The following C11orf54 variants were observed in gnomAD, a reference collection of about 807,000 sequenced individuals.
C11orf54 encodes beta-keto L-gulonate decarboxylase.
C11orf54 carries 29 observed loss-of-function variants against 35.5 expected under a neutral mutation model. The ratio of observed to expected loss-of-function variants is 0.82; its 90% CI spans 0.61 to 1.11. The LOEUF (loss-of-function observed/expected upper bound fraction) is 1.11. Ranked by LOEUF, C11orf54 falls within the 50% of genes most tolerant of loss-of-function variation. The pLI, the probability that C11orf54 is intolerant of heterozygous loss-of-function variation, is 0.00. For synonymous variants in C11orf54, 108 were observed against 121.1 expected, an observed-to-expected ratio of 0.89 and a Z score of 0.71; for missense variants, 373 against 369.2, an observed-to-expected ratio of 1.01 and a Z score of -0.08.
chr11:93,755,910 A>G (rs1943117800), intron 6 of C11orf54, among the ~76,000 whole-genome samples: 1 of 151,850 alleles, frequency 6.6e-6, no homozygotes, highest in African/African-American at 2.4e-5. Context: ...TCACGCCTGT[A>G]TTCCCAAGCA....
intron 1 of C11orf54, among the ~76,000 whole-genome samples, chr11:93,744,826 G>A (rs549576997): frequency 1.3e-5 from 2 of 152,322 alleles, no homozygotes; most frequent in East Asian, 1.9e-4. Context: ...CTCAGTATGC[G>A]AGGACCTGCA....
chr11:93,744,952 G>A (rs1363441601), intron 1 of C11orf54, among the ~76,000 whole-genome samples: 1 of 151,640 alleles, frequency 6.6e-6, no homozygotes, highest in African/African-American at 2.4e-5. Flanking sequence ...AGGAAAACAT[G>A]TGAGTAAAGA....
intron 3 of C11orf54, among the ~76,000 whole-genome samples, chr11:93,751,399 G>GTTTTTTTT (rs71064778): frequency 1.3e-5 from 1 of 74,708 alleles, no homozygotes; most frequent in African/African-American, 5.3e-5. Flanking sequence ...CTTTTTTATA[G>GTTTTTTTT]TTTTTTTTTT....
chr11:93,764,341 C>G lies in C11orf54; in HGVS notation c.*2653C>G, dbSNP rs762767445. On this transcript the variant is annotated 3_prime_UTR_variant, in exon 9 of 9. Transcript: ENST00000354421. ...ACTACAGATACCAACACTGCCTTTA[C>G]TCTTCCATTAGTGTCCTCCAAAATG... 1 of 152,296 alleles carries G rather than the reference C, an allele frequency of 6.6e-6. No individual in the cohort carries two copies. The allele number at this position is 152,296 out of a possible 1,614,324, so 9.4% of individuals were successfully genotyped here. A position where few individuals can be genotyped will look rare whatever the true frequency, so the allele number is the denominator to read the frequency against.
At chr11:93,759,700 A>G in intron 7 of C11orf54, 42 bp from the exon 8 acceptor site, 1 of 976,288 alleles carries the variant, frequency 1.0e-6, no homozygotes, top group Non-Finnish European at 1.5e-6. Flanking sequence ...AATTCTTAGT[A>G]ATATTCAGTA....
rs997735937 is a variant in C11orf54 at position 93,741,725 on chromosome 11, T to G, written c.-101T>G. 10 of 349,976 alleles carry G rather than the reference T, an allele frequency of 2.9e-5. No homozygotes were observed. The highest frequency in any genetic ancestry group is 4.3e-5 in the African/African-American group (2 of 46,398). The allele number at this position is 349,976 out of a possible 1,614,324, so 21.7% of individuals were successfully genotyped here. ...CTGGGTGTTTTGCTACCGTGACCGT[T>G]TAGGTGAGTGGAATAGCCAAGAACA... On this transcript the variant is annotated 5_prime_UTR_variant, in exon 1 of 9. Transcript: ENST00000354421.
rs1461781017 is a variant in C11orf54 at position 93,753,747 on chromosome 11, C to A, written c.220C>A (p.Gln74Lys). 6.2e-6 allele frequency: 10 copies of A among 1,604,696 alleles called. No individual in the cohort carries two copies. The Admixed American group carries it at 6.8e-5, about 11-fold the overall frequency. The change falls in exon 4 of 9, where the codon CAA becomes AAA. Residue 74 changes from glutamine to lysine, a missense_variant. Physicochemically the swap from Gln to Lys is moderately conservative, Grantham distance 53. Coordinates refer to ENST00000354421, the MANE Select transcript of C11orf54 (RefSeq NM_001286069.2). ...GVPYLLPLVN[Q>K]KKVYDLNKIA... ...GCCTTACTTATTGCCTCTTGTAAAC[C>A]AAAAAAAAGTAAGTACTTTTACTCT... is the stretch of plus-strand genomic sequence containing the variant.
intron 6 of C11orf54, among the ~76,000 whole-genome samples, chr11:93,756,871 G>A (rs1370344610): frequency 2.0e-5 from 3 of 152,206 alleles, no homozygotes; most frequent in South Asian, 4.2e-4. Context: ...AATACTTAAC[G>A]TCCAAGTTGT....
intron 7 of C11orf54, among the ~76,000 whole-genome samples, chr11:93,758,460 G>A (rs1175961713): frequency 1.3e-5 from 2 of 152,184 alleles, no homozygotes; most frequent in Admixed American, 6.5e-5. Flanking sequence ...TGCCCAAACC[G>A]TGGCTGCGGA....
rs1006225730 is a variant in C11orf54 at position 93,750,384 on chromosome 11, C to T, written c.94C>T (p.Gln32Ter). 1.2e-6 allele frequency: 2 copies of T among 1,613,678 alleles called. No individual in the cohort carries two copies. Among genetic ancestry groups the T allele is most frequent in the Admixed American group, 3.3e-5 (2 of 60,012 alleles). Residue 32 changes from glutamine (Q) to a stop codon, truncating the protein, a stop_gained, in exon 3 of 9, where the codon CAG becomes TAG. Transcript: ENST00000354421. LOFTEE classifies it high-confidence loss of function. ...GTTAAAAGATAACTTTGCTGATGTC[C>T]AGGTCTCTGTAGTTGATTGCCCTGA... The part of the protein sequence containing the change: ...KGLKDNFADV[Q>*]VSVVDCPDLT...
chr11:93,756,742 T>C (rs1006890289), intron 6 of C11orf54, among the ~76,000 whole-genome samples: 2 of 152,276 alleles, frequency 1.3e-5, no homozygotes, highest in African/African-American at 4.8e-5. Context: ...TTACTTGATA[T>C]TTACTTCCTA....
chr11:93,742,012 C>G (rs888806564), intron 1 of C11orf54: 2 of 163,278 alleles, frequency 1.2e-5, no homozygotes, highest in Admixed American at 5.9e-5. Flanking sequence ...TTGACCATGA[C>G]TCGAAGTGTG....
At chr11:93,756,184 AAAAAAAG>A in intron 6 of C11orf54, among the ~76,000 whole-genome samples, 1 of 149,604 alleles carries the variant, frequency 6.7e-6, no homozygotes, top group Non-Finnish European at 1.5e-5. Flanking sequence ...AAAAAAAAAA[AAAAAAAG>A]AATAGTATGG....
chr11:93,761,858 C>A lies in C11orf54; in HGVS notation c.*170C>A. On this transcript the variant is annotated 3_prime_UTR_variant, in exon 9 of 9. Transcript: ENST00000354421. ...GCTGAGGCAGGAAGCACACTGGAGC[C>A]CAGGAGTTTGAGACCAGCTTGGGCA... 1.8e-6 allele frequency: 1 copy of A among 542,072 alleles called. No homozygotes were observed. Among genetic ancestry groups the A allele is most frequent in the Non-Finnish European group, 2.9e-6 (1 of 350,282 alleles). The allele number at this position is 542,072 out of a possible 1,614,324, so 33.6% of individuals were successfully genotyped here. A position where few individuals can be genotyped will look rare whatever the true frequency, so the allele number is the denominator to read the frequency against.
intron 8 of C11orf54, among the ~76,000 whole-genome samples, chr11:93,760,976 A>C (rs1943435401): frequency 6.6e-6 from 1 of 152,214 alleles, no homozygotes; most frequent in South Asian, 2.1e-4. Flanking sequence ...ATCTTGATCC[A>C]GTGATTACAT....
At chr11:93,750,974 G>A (rs568257220) in intron 3 of C11orf54, among the ~76,000 whole-genome samples, 1 of 152,268 alleles carries the variant, frequency 6.6e-6, no homozygotes, top group South Asian at 2.1e-4. Flanking sequence ...AACACCACAA[G>A]GTAAGTAGTA....
Position 93,763,464 on chromosome 11 carries a change from G to A in C11orf54, c.*1776G>A, listed in dbSNP as rs1943555230. ...TTTGGTTCACATGTCCAGACTGATA[G>A]CCAAGTTCAGTGGCTCACGCCTGTA... On this transcript the variant is annotated 3_prime_UTR_variant, in exon 9 of 9. Coordinates refer to ENST00000354421, the MANE Select transcript of C11orf54 (RefSeq NM_001286069.2). 2 of 152,190 alleles carry A rather than the reference G, an allele frequency of 1.3e-5. No homozygotes were observed. The highest frequency in any genetic ancestry group is 2.1e-4 in the South Asian group (1 of 4,834). 9.4% of individuals were successfully genotyped at this position (152,190 alleles called of 1,614,324 possible). A position where few individuals can be genotyped will look rare whatever the true frequency, so the allele number is the denominator to read the frequency against.
At chr11:93,751,410 T>G (rs1216245644) in intron 3 of C11orf54, among the ~76,000 whole-genome samples, 1 of 137,428 alleles carries the variant, frequency 7.3e-6, no homozygotes, top group African/African-American at 2.7e-5. Context: ...TTTTTTTTTT[T>G]TTTTTTTTTT....
At chr11:93,757,497 G>A in intron 7 of C11orf54, 32 bp downstream of exon 7, 1 of 1,578,940 alleles carries the variant, frequency 6.3e-7, no homozygotes, top group East Asian at 2.2e-5. Context: ...CATGCATGAA[G>A]GAGTTTGTGT....
Sources: allele counts gnomAD v4.1 joint callset (sites outside exome capture counted in the v4.1 genomes callset), GRCh38; gene constraint gnomAD v4.1.1; transcripts MANE v1.5; gene names NCBI Gene and HGNC (gene_info 2026-07-23, HGNC 2026-07-21).